The following SLC39A11 variants were observed in gnomAD, a reference collection of about 807,000 sequenced individuals.
The protein encoded by SLC39A11 is solute carrier family 39 member 11, also known as zinc transporter ZIP11.
In SLC39A11, 33 loss-of-function variants were observed where a neutral mutation model predicts 36.1. That is an observed-to-expected ratio of 0.91 (90% CI 0.69 to 1.22). The LOEUF (loss-of-function observed/expected upper bound fraction) is 1.22. SLC39A11 is among the 50% of genes most tolerant of loss of function. The pLI is 0.00. For missense variants in SLC39A11, 432 were observed against 430.3 expected, an observed-to-expected ratio of 1.00 and a Z score of -0.03; for synonymous variants, 166 against 170.3, an observed-to-expected ratio of 0.97 and a Z score of 0.20.
chr17:72,693,688 A>G (rs2072145565), intron 7 of SLC39A11, among the ~76,000 whole-genome samples: 1 of 152,038 alleles, frequency 6.6e-6, no homozygotes, highest in South Asian at 2.1e-4. Context: ...TGGAGGACAA[A>G]TGGCCATGCC....
intron 7 of SLC39A11, among the ~76,000 whole-genome samples, chr17:72,658,724 T>C (rs1376461778): frequency 1.3e-5 from 2 of 152,140 alleles, no homozygotes; most frequent in African/African-American, 4.8e-5. Flanking sequence ...GGACCCCAGG[T>C]GCACAGGTGG....
intron 2 of SLC39A11, among the ~76,000 whole-genome samples, 188 bp downstream of exon 2, chr17:73,088,469 T>C (rs1289693158): frequency 6.6e-6 from 1 of 151,828 alleles, no homozygotes; most frequent in Non-Finnish European, 1.5e-5. Context: ...CAAGCAGACA[T>C]CTGTTCTCCC....
At chr17:72,732,044 T>TC (rs71154911) in intron 7 of SLC39A11, among the ~76,000 whole-genome samples, 28 of 84,400 alleles carry the variant, frequency 3.3e-4, no homozygotes, top group African/African-American at 3.9e-4. Flanking sequence ...TCTTTTCTTT[T>TC]TTTTTTTTTT....
chr17:73,046,885 G>T (rs1273660753), intron 3 of SLC39A11, among the ~76,000 whole-genome samples: 1 of 152,056 alleles, frequency 6.6e-6, no homozygotes, highest in Non-Finnish European at 1.5e-5. Flanking sequence ...AGGCTGCAGT[G>T]AGCTGTAATC....
chr17:72,713,158 C>T (rs1369886933), intron 7 of SLC39A11, among the ~76,000 whole-genome samples: 1 of 152,100 alleles, frequency 6.6e-6, no homozygotes, highest in Non-Finnish European at 1.5e-5. Flanking sequence ...AAGACTTAGC[C>T]CGTGGAGTTC....
intron 6 of SLC39A11, among the ~76,000 whole-genome samples, chr17:72,801,652 G>A (rs550924905): frequency 6.6e-6 from 1 of 152,276 alleles, no homozygotes; most frequent in African/African-American, 2.4e-5. Flanking sequence ...CAACAAAGCT[G>A]TCTAAAAATT....
chr17:72,987,382 T>C (rs1277963931), intron 4 of SLC39A11, among the ~76,000 whole-genome samples: 2 of 152,238 alleles, frequency 1.3e-5, no homozygotes, highest in African/African-American at 2.4e-5. Flanking sequence ...TTGTCTCTTA[T>C]TAGGTAATCA....
At chr17:72,989,427 C>T (rs886594096) in intron 4 of SLC39A11, among the ~76,000 whole-genome samples, 3 of 152,326 alleles carry the variant, frequency 2.0e-5, no homozygotes, top group South Asian at 2.1e-4. Flanking sequence ...TATAACATAA[C>T]AGCGAGGGTA....
intron 6 of SLC39A11, among the ~76,000 whole-genome samples, chr17:72,816,453 A>G (rs561344542): frequency 0.11 from 7 of 62 alleles, 1 homozygote; most frequent in Admixed American, 0.6. Context: ...ATTAGAAGCG[A>G]AACATTTAAA....
intron 4 of SLC39A11, among the ~76,000 whole-genome samples, chr17:72,976,035 T>C (rs1307226487): frequency 1.3e-5 from 2 of 151,732 alleles, no homozygotes; most frequent in Non-Finnish European, 2.9e-5. Context: ...CCGGGCGTGG[T>C]GGCGGGCACC....
At chr17:72,841,200 T>C (rs903277282) in intron 6 of SLC39A11, among the ~76,000 whole-genome samples, 10 of 152,238 alleles carry the variant, frequency 6.6e-5, no homozygotes, top group African/African-American at 2.4e-4. Context: ...TCAGTATGTG[T>C]TATAACATTG....
At chr17:72,905,172 CAAA>C (rs58702930) in intron 5 of SLC39A11, among the ~76,000 whole-genome samples, 120 of 42,890 alleles carry the variant, frequency 2.8e-3, no homozygotes, top group African/African-American at 0.01. Context: ...GACTCCATCT[CAAA>C]AAAAAAAAAA....
chr17:72,744,943 G>C (rs1310546997), intron 6 of SLC39A11, among the ~76,000 whole-genome samples: 1 of 152,214 alleles, frequency 6.6e-6, no homozygotes, highest in Non-Finnish European at 1.5e-5. Flanking sequence ...CCTGGTTCAA[G>C]TGATTCTCCT....
intron 6 of SLC39A11, among the ~76,000 whole-genome samples, chr17:72,763,844 G>T (rs927887666): frequency 6.6e-6 from 1 of 152,156 alleles, no homozygotes; most frequent in African/African-American, 2.4e-5. Flanking sequence ...TTGACTTGGA[G>T]CTTAAAGAAA....
intron 5 of SLC39A11, among the ~76,000 whole-genome samples, chr17:72,918,485 T>C (rs2147216882): frequency 6.6e-6 from 1 of 152,286 alleles, no homozygotes; most frequent in African/African-American, 2.4e-5. Context: ...ATGTCCCTGA[T>C]TCACACCTTG....
Position 72,885,195 on chromosome 17 carries a change from G to C in SLC39A11, c.431-35391C>G, listed in dbSNP as rs1326553411. 4.6e-5 allele frequency among the ~76,000 whole-genome samples: 7 copies of C among 152,284 alleles called. No homozygotes were observed. In the East Asian group the frequency reaches 7.7e-4, roughly 17 times the overall value. ...TAGGTTTTCCCTGCAGCTCCAGACA[G>C]CTATTCCTCAGTTTTTGCCTCCTCT... On this transcript the variant is annotated intron_variant, in intron 5 of 9. Coordinates refer to ENST00000255559, the MANE Select transcript of SLC39A11 (RefSeq NM_139177.4).
intron 5 of SLC39A11, among the ~76,000 whole-genome samples, chr17:72,861,690 A>ATAT (rs2080028657): frequency 1.3e-5 from 1 of 75,686 alleles, no homozygotes; most frequent in Non-Finnish European, 2.5e-5. Flanking sequence ...TATATATATA[A>ATAT]AATATATATA....
At chr17:72,976,321 T>A (rs1040506615) in intron 4 of SLC39A11, among the ~76,000 whole-genome samples, 2 of 152,092 alleles carry the variant, frequency 1.3e-5, no homozygotes, top group Non-Finnish European at 2.9e-5. Flanking sequence ...AAACACACTT[T>A]GAGAACTACC....
At position 72,659,268 on chromosome 17, in the gene SLC39A11, G is replaced by A. The variant is rs111981171; in HGVS notation, c.672-10000C>T. 4.5e-3 allele frequency among the ~76,000 whole-genome samples: 683 copies of A among 152,330 alleles called. 10 individuals carry two copies. Among genetic ancestry groups the A allele is most frequent in the African/African-American group, 0.015 (638 of 41,580 alleles). On this transcript the variant is annotated intron_variant, in intron 7 of 9. Transcript: ENST00000255559. ...GCACGGGACTTGCTAAAGGCCATAA[G>A]ATCTAGCACAGAGCATTAGGGGCGA... is the stretch of plus-strand genomic sequence containing the variant.
Sources: allele counts gnomAD v4.1 joint callset (sites outside exome capture counted in the v4.1 genomes callset), GRCh38; gene constraint gnomAD v4.1.1; transcripts MANE v1.5; gene names NCBI Gene and HGNC (gene_info 2026-07-23, HGNC 2026-07-21).